KATNIP: variants seen among roughly 807,000 people sequenced by gnomAD.
KATNIP encodes the protein katanin interacting protein, also known as katanin-interacting protein.
In KATNIP, 126 loss-of-function variants were observed where a neutral mutation model predicts 174.0. That is an observed-to-expected ratio of 0.72 (90% CI 0.63 to 0.84). The LOEUF (loss-of-function observed/expected upper bound fraction) is 0.84. Among genes scored for constraint, KATNIP ranks in the 40% least tolerant of loss-of-function variants. The pLI is 0.00. For synonymous variants in KATNIP, 810 were observed against 835.7 expected (o/e 0.97, Z 0.53); for missense variants, 1,958 against 2,109.7 (o/e 0.93, Z 1.41).
At chr16:27,766,037 T>A (rs550243058) in intron 19 of KATNIP, among the ~76,000 whole-genome samples, 25 of 147,598 alleles carry the variant, frequency 1.7e-4, no homozygotes, top group South Asian at 8.6e-4. Context: ...TTTTCCCTTT[T>A]AAAAAAAAAA....
chr16:27,768,076 T>C (rs1597412778), intron 20 of KATNIP, among the ~76,000 whole-genome samples: 1 of 148,270 alleles, frequency 6.7e-6, no homozygotes, highest in African/African-American at 2.5e-5. Flanking sequence ...ATGGCTACAG[T>C]GGGATGAGGT....
At chr16:27,726,040 G>A (rs1413335696) in intron 14 of KATNIP, among the ~76,000 whole-genome samples, 1 of 152,150 alleles carries the variant, frequency 6.6e-6, no homozygotes, top group Non-Finnish European at 1.5e-5. Context: ...GAACCAGACT[G>A]CACAGTAGGA....
At position 27,698,476 on chromosome 16, in the gene KATNIP, C is replaced by T. The variant is rs61740297; in HGVS notation, c.1089C>T (p.Ala363=). 5.3e-4 allele frequency: 854 copies of T among 1,610,778 alleles called. 7 individuals carry two copies. The African/African-American group carries it at 8.7e-3, about 16-fold the overall frequency. The change falls in exon 9 of 28, where the codon GCC becomes GCT. Residue 363 remains alanine, a synonymous_variant. Coordinates refer to ENST00000261588, the MANE Select transcript of KATNIP (RefSeq NM_015202.5). The part of the protein sequence containing the change: ...ALQRALLSRK[A]EQPASPLQDA... ...AGAGGGCGCTCCTCAGCAGAAAGGCCGAGCAGCCAGCCAGCCCACTGCAGG... is the reference window on the plus strand; with the variant it reads ...AGAGGGCGCTCCTCAGCAGAAAGGCTGAGCAGCCAGCCAGCCCACTGCAGG...
At chr16:27,632,594 CCA>C in intron 5 of KATNIP, 2 of 456,488 alleles carry the variant, frequency 4.4e-6, no homozygotes, top group Non-Finnish European at 4.4e-6. Flanking sequence ...GGGGTCAGAA[CCA>C]CTCCATGGTC....
chr16:27,605,290 C>G (rs936328405), intron 2 of KATNIP, among the ~76,000 whole-genome samples: 7 of 152,226 alleles, frequency 4.6e-5, no homozygotes, highest in Middle Eastern at 6.8e-3. Context: ...ATAAATAACA[C>G]CTTGCAATTT....
intron 24 of KATNIP, among the ~76,000 whole-genome samples, chr16:27,775,465 C>CA (rs1273240955): frequency 6.6e-6 from 1 of 152,242 alleles, no homozygotes; most frequent in African/African-American, 2.4e-5. Flanking sequence ...TCCGCACACT[C>CA]ACGGTTTCTG....
chr16:27,557,584 T>C (rs2089683246), intron 1 of KATNIP, among the ~76,000 whole-genome samples: 1 of 151,922 alleles, frequency 6.6e-6, no homozygotes, highest in Non-Finnish European at 1.5e-5. Flanking sequence ...TGTGCCACCA[T>C]GCCCAGCTAA....
chr16:27,656,944 A>G (rs967463772), intron 6 of KATNIP, among the ~76,000 whole-genome samples: 1 of 151,416 alleles, frequency 6.6e-6, no homozygotes, highest in Non-Finnish European at 1.5e-5. Context: ...TAAAAAAAAA[A>G]AAATCCTAAA....
Position 27,596,732 on chromosome 16 carries a change from A to G in KATNIP, c.64-21693A>G, listed in dbSNP as rs562959098. 4.6e-5 allele frequency among the ~76,000 whole-genome samples: 7 copies of G among 152,318 alleles called. 1 individual carries two copies. Among genetic ancestry groups the G allele is most frequent in the South Asian group, 2.1e-4 (1 of 4,830 alleles). On this transcript the variant is annotated intron_variant, in intron 2 of 27. Transcript: ENST00000261588. ...TAGCAAGACCCCGTTTCCACAAAAAATAAAAATAGGCCAGGCATGGTGGCT... is the reference window on the plus strand; with the variant it reads ...TAGCAAGACCCCGTTTCCACAAAAAGTAAAAATAGGCCAGGCATGGTGGCT...
rs2082128827 is a variant in KATNIP at position 27,766,463 on chromosome 16, A to G, written c.3964A>G (p.Thr1322Ala). 2.5e-6 allele frequency: 4 copies of G among 1,612,326 alleles called. No individual in the cohort carries two copies. Among genetic ancestry groups the G allele is most frequent in the Non-Finnish European group, 3.4e-6 (4 of 1,179,854 alleles). ...FWNYNKSPED[T>A]YRGAKIVHVS... ...GAACTACAATAAATCTCCCGAGGACACCTATCGCGGGGTAAGCTGGGGAGC... is the reference window on the plus strand; with the variant it reads ...GAACTACAATAAATCTCCCGAGGACGCCTATCGCGGGGTAAGCTGGGGAGC... The change falls in exon 20 of 28, where the codon ACC becomes GCC. Residue 1322 changes from threonine to alanine, a missense_variant. By Grantham distance (58) the Thr-to-Ala change is moderately conservative. Coordinates refer to ENST00000261588, the MANE Select transcript of KATNIP (RefSeq NM_015202.5).
chr16:27,690,853 G>A (rs773870126), intron 8 of KATNIP, among the ~76,000 whole-genome samples: 8 of 152,196 alleles, frequency 5.3e-5, no homozygotes, highest in Non-Finnish European at 7.4e-5. Flanking sequence ...AGCTCCAGCC[G>A]ATGGTTCCCA....
At chr16:27,562,489 A>G (rs1169781439) in intron 1 of KATNIP, among the ~76,000 whole-genome samples, 1 of 152,210 alleles carries the variant, frequency 6.6e-6, no homozygotes, top group Non-Finnish European at 1.5e-5. Context: ...GGGAGATCTC[A>G]TGAGCTACTT....
chr16:27,694,681 A>G (rs904639275), intron 8 of KATNIP, among the ~76,000 whole-genome samples: 11 of 152,126 alleles, frequency 7.2e-5, no homozygotes, highest in South Asian at 2.1e-4. Context: ...TTGTAGTCCC[A>G]GCTACTCAGG....
intron 2 of KATNIP, among the ~76,000 whole-genome samples, chr16:27,610,657 G>A (rs1446685610): frequency 3.3e-5 from 5 of 152,090 alleles, no homozygotes; most frequent in African/African-American, 7.2e-5. Context: ...ACACATGATT[G>A]GGGCTGTTCA....
chr16:27,604,974 G>T (rs2141970599), intron 2 of KATNIP, among the ~76,000 whole-genome samples: 1 of 152,288 alleles, frequency 6.6e-6, no homozygotes, highest in East Asian at 1.9e-4. Context: ...TGTTGTGCAG[G>T]CTGGAGTGCA....
At chr16:27,646,798 A>G (rs1208245976) in intron 5 of KATNIP, among the ~76,000 whole-genome samples, 4 of 152,140 alleles carry the variant, frequency 2.6e-5, no homozygotes, top group Non-Finnish European at 2.9e-5. Context: ...CTGACACAAC[A>G]CTGCTTAGAT....
chr16:27,615,355 T>G (rs2076011552), intron 2 of KATNIP, among the ~76,000 whole-genome samples: 1 of 150,514 alleles, frequency 6.6e-6, no homozygotes. Flanking sequence ...TTTTATTTAT[T>G]TATTATTATT....
At chr16:27,681,591 G>T in intron 8 of KATNIP, 61 bp downstream of exon 8, 2 of 1,600,522 alleles carry the variant, frequency 1.2e-6, no homozygotes, top group Non-Finnish European at 8.6e-7. Flanking sequence ...ACTCTCTGGG[G>T]TGCCATGATG....
At chr16:27,628,965 C>T in intron 4 of KATNIP, 135 bp downstream of exon 4, 1 of 837,468 alleles carries the variant, frequency 1.2e-6, no homozygotes, top group Non-Finnish European at 1.9e-6. Context: ...GCCAAGAGTT[C>T]CAGACCAGCC....
Sources: allele counts gnomAD v4.1 joint callset (sites outside exome capture counted in the v4.1 genomes callset), GRCh38; gene constraint gnomAD v4.1.1; transcripts MANE v1.5; gene names NCBI Gene and HGNC (gene_info 2026-07-23, HGNC 2026-07-21).